The following DENND5B variants were observed in gnomAD, a reference collection of about 807,000 sequenced individuals.
DENND5B encodes the protein DENN domain containing 5B, also known as DENN domain-containing protein 5B.
In DENND5B, 34 loss-of-function variants were observed where a neutral mutation model predicts 140.6. That is an observed-to-expected ratio of 0.24 (90% CI 0.18 to 0.32). The LOEUF (loss-of-function observed/expected upper bound fraction) is 0.32. Among genes scored for constraint, DENND5B ranks in the 10% least tolerant of loss-of-function variants. The probability of loss-of-function intolerance (pLI) is 1.00; values close to 1 mark genes in which losing one functional copy is unlikely to be tolerated. For missense variants in DENND5B, 1,142 were observed against 1,560.2 expected (o/e 0.73, Z 4.52); for synonymous variants, 551 against 562.1 (o/e 0.98, Z 0.28).
chr12:31,535,859 A>C (rs1948475967), intron 1 of DENND5B, among the ~76,000 whole-genome samples: 1 of 152,226 alleles, frequency 6.6e-6, no homozygotes. Flanking sequence ...TATGGTTTGA[A>C]TCTGTATCCC....
intron 1 of DENND5B, among the ~76,000 whole-genome samples, chr12:31,503,046 C>T (rs974400466): frequency 6.6e-6 from 1 of 152,118 alleles, no homozygotes; most frequent in African/African-American, 2.4e-5. Flanking sequence ...AAGTCAGCAC[C>T]CTCCTCCAGA....
chr12:31,433,800 C>G (rs2137850354), intron 7 of DENND5B, among the ~76,000 whole-genome samples: 1 of 151,944 alleles, frequency 6.6e-6, no homozygotes. Context: ...GGCCGGATCA[C>G]TTGAGGCCAG....
chr12:31,533,937 G>T (rs1456128488), intron 1 of DENND5B, among the ~76,000 whole-genome samples: 2 of 150,368 alleles, frequency 1.3e-5, no homozygotes, highest in African/African-American at 4.9e-5. Flanking sequence ...TAATATGTTA[G>T]TTCTTCTGGT....
chr12:31,510,937 A>C (rs554447117), intron 1 of DENND5B, among the ~76,000 whole-genome samples: 1 of 152,240 alleles, frequency 6.6e-6, no homozygotes, highest in Admixed American at 6.5e-5. Context: ...CATCTTTAAG[A>C]ATTCTACTCA....
rs868511604 is a variant in DENND5B at position 31,384,932 on chromosome 12, A to C, written c.*2671T>G. On this transcript the variant is annotated 3_prime_UTR_variant, in exon 21 of 21. Transcript: ENST00000389082. The stretch of plus-strand genomic sequence containing the variant: ...CAGGCCCTGCCACCACCCCCCCGCT[A>C]ATTTTTGTCTATTTTTTTTTTTTAG... The C allele has an allele frequency of 1.5e-4, 22 of 149,732 alleles. No homozygotes were observed. Among genetic ancestry groups the C allele is most frequent in the East Asian group, 5.9e-4 (3 of 5,052 alleles). The allele number at this position is 149,732 out of a possible 1,614,324, so 9.3% of individuals were successfully genotyped here. A position where few individuals can be genotyped will look rare whatever the true frequency, so the allele number is the denominator to read the frequency against.
At chr12:31,576,782 TCAGGAGGTTGAGG>T (rs1209753239) in intron 1 of DENND5B, among the ~76,000 whole-genome samples, 3 of 151,772 alleles carry the variant, frequency 2.0e-5, no homozygotes, top group African/African-American at 7.3e-5. Context: ...TCTCAGCTTC[TCAGGAGGTTGAGG>T]CAGGAGGATC....
rs953856368 is a variant in DENND5B at position 31,451,991 on chromosome 12, C to T, written c.1578G>A (p.Gln526=). Residue 526 remains glutamine, a synonymous_variant, in exon 5 of 21, where the codon CAG becomes CAA. Coordinates refer to ENST00000389082, the MANE Select transcript of DENND5B (RefSeq NM_144973.4). ...DYEAFVIQTA[Q]DMESWLTNRE... Reference sequence around the variant, plus strand: ...GGTTGGTCAGCCAGGATTCCATGTCCTGGGCAGTCTGAATGACAAATGCTT... The same window carrying T: ...GGTTGGTCAGCCAGGATTCCATGTCTTGGGCAGTCTGAATGACAAATGCTT... 3.7e-6 allele frequency: 6 copies of T among 1,613,604 alleles called. No homozygotes were observed. Among genetic ancestry groups the T allele is most frequent in the Non-Finnish European group, 5.1e-6 (6 of 1,179,828 alleles).
chr12:31,582,086 G>C (rs1202148551), intron 1 of DENND5B, among the ~76,000 whole-genome samples: 1 of 152,176 alleles, frequency 6.6e-6, no homozygotes, highest in Non-Finnish European at 1.5e-5. Context: ...TTTTCAATTT[G>C]ATGATGGTTT....
intron 1 of DENND5B, among the ~76,000 whole-genome samples, chr12:31,575,374 A>G (rs1592080431): frequency 1.3e-5 from 2 of 152,186 alleles, no homozygotes; most frequent in East Asian, 3.8e-4. Context: ...TCTTGTAACA[A>G]AGGAGGACTA....
chr12:31,429,388 G>T (rs765845891), intron 8 of DENND5B, among the ~76,000 whole-genome samples: 26 of 152,134 alleles, frequency 1.7e-4, no homozygotes, highest in Non-Finnish European at 3.2e-4. Context: ...TGGTCTGAAG[G>T]TTAGTTTTTA....
rs1249540617 is a variant in DENND5B at position 31,457,750 on chromosome 12, G to T, written c.1092+2444C>A. Among the ~76,000 whole-genome samples, 6 of 148,604 alleles carry T rather than the reference G, an allele frequency of 4.0e-5. No individual in the cohort carries two copies. The East Asian group carries it at 1.2e-3, about 29-fold the overall frequency. ...TTTTTTTGAGATGGAGTCTCGCTCT[G>T]TCGCCCAGGCTGGAGTGCAGTGATG... is the stretch of plus-strand genomic sequence containing the variant. On this transcript the variant is annotated intron_variant, in intron 4 of 20. Transcript: ENST00000389082.
intron 1 of DENND5B, among the ~76,000 whole-genome samples, chr12:31,536,873 T>G (rs942498877): frequency 6.6e-6 from 1 of 152,100 alleles, no homozygotes; most frequent in Non-Finnish European, 1.5e-5. Context: ...TCCAATACAT[T>G]TGGCAGCAGA....
chr12:31,479,515 T>C (rs3741878), intron 3 of DENND5B, 74 bp downstream of exon 3: 529,260 of 1,309,506 alleles, frequency 0.4, 110,428 homozygotes, highest in East Asian at 0.59. Context: ...TCTAATAATA[T>C]ACCCCATGGA....
At chr12:31,486,634 T>C (rs1167383188) in intron 2 of DENND5B, among the ~76,000 whole-genome samples, 2 of 152,196 alleles carry the variant, frequency 1.3e-5, no homozygotes, top group Non-Finnish European at 2.9e-5. Context: ...CTACTTATTA[T>C]TTGGTTCTTC....
At chr12:31,456,571 A>G (rs1436743851) in intron 4 of DENND5B, among the ~76,000 whole-genome samples, 2 of 152,160 alleles carry the variant, frequency 1.3e-5, no homozygotes, top group Non-Finnish European at 2.9e-5. Context: ...CTCCCACTGT[A>G]TTCTACACAA....
chr12:31,511,994 G>A (rs940306406), intron 1 of DENND5B, among the ~76,000 whole-genome samples: 7 of 124,388 alleles, frequency 5.6e-5, no homozygotes, highest in African/African-American at 2.2e-4. Context: ...TCAGCTCACT[G>A]CAACCTCTGC....
intron 6 of DENND5B, among the ~76,000 whole-genome samples, chr12:31,444,971 ATCATCAT>A (rs1944213721): frequency 6.6e-6 from 1 of 152,240 alleles, no homozygotes; most frequent in Admixed American, 6.5e-5. Context: ...AAGCTTCAGC[ATCATCAT>A]TCCTGACTTT....
At chr12:31,532,529 C>T (rs1027470041) in intron 1 of DENND5B, among the ~76,000 whole-genome samples, 5 of 152,048 alleles carry the variant, frequency 3.3e-5, no homozygotes, top group African/African-American at 1.2e-4. Flanking sequence ...ATGGAGAACA[C>T]AGATGGGAGA....
chr12:31,567,424 T>C (rs1296315056), intron 1 of DENND5B, among the ~76,000 whole-genome samples: 3 of 151,802 alleles, frequency 2.0e-5, no homozygotes, highest in Non-Finnish European at 4.4e-5. Context: ...ATTCAGAATG[T>C]TGCCTTCTAA....
Sources: allele counts gnomAD v4.1 joint callset (sites outside exome capture counted in the v4.1 genomes callset), GRCh38; gene constraint gnomAD v4.1.1; transcripts MANE v1.5; gene names NCBI Gene and HGNC (gene_info 2026-07-23, HGNC 2026-07-21).